Variants in CSMD2 observed in about 807,000 individuals in gnomAD.
The protein encoded by CSMD2 is CUB and sushi domain-containing protein 2.
CSMD2 carries 130 observed loss-of-function variants against 398.5 expected under a neutral mutation model. The ratio of observed to expected loss-of-function variants is 0.33; its 90% CI spans 0.28 to 0.38. CSMD2 has a LOEUF of 0.38. CSMD2 is among the 10% of genes least tolerant of loss of function. The probability of loss-of-function intolerance (pLI) is 1.00; values close to 1 mark genes in which losing one functional copy is unlikely to be tolerated. For synonymous variants in CSMD2, 1,828 were observed against 1,908.5 expected, an observed-to-expected ratio of 0.96 and a Z score of 1.10; for missense variants, 3,829 against 4,764.9, an observed-to-expected ratio of 0.80 and a Z score of 5.78.
intron 2 of CSMD2, among the ~76,000 whole-genome samples, chr1:34,046,687 G>T (rs1020024346): frequency 1.3e-5 from 2 of 152,112 alleles, no homozygotes; most frequent in Non-Finnish European, 2.9e-5. Flanking sequence ...AGAGATTAAG[G>T]CTGGCTTATT....
At chr1:34,071,265 G>A (rs1158796735) in intron 2 of CSMD2, among the ~76,000 whole-genome samples, 3 of 152,348 alleles carry the variant, frequency 2.0e-5, no homozygotes, top group East Asian at 1.9e-4. Flanking sequence ...GGGGCATCAC[G>A]TGGTCAGAAA....
At chr1:34,133,010 A>G (rs949445425) in intron 1 of CSMD2, among the ~76,000 whole-genome samples, 11 of 151,606 alleles carry the variant, frequency 7.3e-5, no homozygotes, top group Non-Finnish European at 1.5e-5. Flanking sequence ...ACCTTGACTA[A>G]TACAGCTTTC....
At chr1:33,935,408 T>C (rs1644446825) in intron 4 of CSMD2, among the ~76,000 whole-genome samples, 1 of 152,076 alleles carries the variant, frequency 6.6e-6, no homozygotes, top group Non-Finnish European at 1.5e-5. Flanking sequence ...ACGAAAGCTG[T>C]TGGGAAAGTG....
intron 5 of CSMD2, among the ~76,000 whole-genome samples, chr1:33,896,115 A>G (rs746490500): frequency 1.3e-5 from 2 of 152,218 alleles, no homozygotes; most frequent in African/African-American, 2.4e-5. Flanking sequence ...ATGAGAGCAC[A>G]TATCAGGGGA....
At chr1:33,851,775 T>C (rs1044192942) in intron 5 of CSMD2, among the ~76,000 whole-genome samples, 2 of 152,212 alleles carry the variant, frequency 1.3e-5, no homozygotes, top group Non-Finnish European at 2.9e-5. Flanking sequence ...GGACTTGCTA[T>C]GTCAAGATAA....
chr1:33,577,551 G>T, intron 48 of CSMD2, 67 bp from the exon 49 acceptor site: 3 of 1,380,116 alleles, frequency 2.2e-6, no homozygotes, highest in Non-Finnish European at 2.9e-6. Flanking sequence ...TTTCATGCAG[G>T]CCCCTTTCCC....
intron 13 of CSMD2, among the ~76,000 whole-genome samples, chr1:33,766,570 C>T (rs1650529448): frequency 6.6e-6 from 1 of 152,238 alleles, no homozygotes; most frequent in African/African-American, 2.4e-5. Context: ...ATGAGAAGAG[C>T]TCCTTGAGGA....
At chr1:33,564,403 C>T (rs1270747153) in intron 53 of CSMD2, among the ~76,000 whole-genome samples, 3 of 152,192 alleles carry the variant, frequency 2.0e-5, no homozygotes, top group Non-Finnish European at 4.4e-5. Context: ...TTAGGCCAGG[C>T]AGACATTCTC....
intron 25 of CSMD2, among the ~76,000 whole-genome samples, chr1:33,689,141 G>C (rs1645153337): frequency 6.6e-6 from 1 of 150,972 alleles, no homozygotes; most frequent in South Asian, 2.1e-4. Flanking sequence ...AGAGAAAGGG[G>C]GAGGACGGAG....
chr1:33,588,358 CT>C (rs79092881), intron 44 of CSMD2, among the ~76,000 whole-genome samples: 31,000 of 150,388 alleles, frequency 0.21, 4,166 homozygotes, highest in Non-Finnish European at 0.29. Context: ...GCAATGAAAT[CT>C]TTTTTTATAT....
intron 6 of CSMD2, among the ~76,000 whole-genome samples, chr1:33,832,497 A>G (rs1225722059): frequency 6.8e-6 from 1 of 147,518 alleles, no homozygotes; most frequent in Non-Finnish European, 1.5e-5. Context: ...ACACATTCAA[A>G]GCAGTGTGTA....
chr1:33,526,451 G>T (rs1300939100), intron 65 of CSMD2, among the ~76,000 whole-genome samples: 1 of 152,158 alleles, frequency 6.6e-6, no homozygotes, highest in Non-Finnish European at 1.5e-5. Flanking sequence ...GTTATTCTAG[G>T]GGTTAAATGA....
chr1:33,709,079 T>C lies in CSMD2; in HGVS notation c.3576+10A>G, dbSNP rs769797021. The C allele has an allele frequency of 3.7e-6, 6 of 1,605,976 alleles. No individual in the cohort carries two copies. In the African/African-American group the frequency reaches 6.7e-5, roughly 18 times the overall value. On this transcript the variant is annotated intron_variant, in intron 22 of 70. Coordinates refer to ENST00000373381, the MANE Select transcript of CSMD2 (RefSeq NM_001281956.2). Reference sequence around the variant, plus strand: ...TATAACACACATACTCTGAAATCGATCAATTTTACCTTGAGGACATCTCCT... The same window carrying C: ...TATAACACACATACTCTGAAATCGACCAATTTTACCTTGAGGACATCTCCT...
At chr1:33,932,166 G>A (rs1644333432) in intron 4 of CSMD2, among the ~76,000 whole-genome samples, 1 of 152,182 alleles carries the variant, frequency 6.6e-6, no homozygotes, top group African/African-American at 2.4e-5. Flanking sequence ...AGCAGGAAGA[G>A]TGAGGTTTTC....
At chr1:34,148,179 C>T (rs777917774) in intron 1 of CSMD2, among the ~76,000 whole-genome samples, 15 of 152,154 alleles carry the variant, frequency 9.9e-5, no homozygotes, top group Non-Finnish European at 1.6e-4. Context: ...CTGGACTAAT[C>T]GGCTCATTCT....
At chr1:33,775,540 CA>C (rs977809517) in intron 12 of CSMD2, among the ~76,000 whole-genome samples, 17 of 152,154 alleles carry the variant, frequency 1.1e-4, no homozygotes, top group African/African-American at 3.4e-4. Context: ...GTTATTGTCA[CA>C]GCTAACTTTA....
chr1:33,841,137 A>G (rs1291939171), intron 6 of CSMD2, among the ~76,000 whole-genome samples: 2 of 152,230 alleles, frequency 1.3e-5, no homozygotes, highest in Non-Finnish European at 2.9e-5. Context: ...TCCATCTCTC[A>G]GTCAGCAGGG....
Position 33,586,529 on chromosome 1 carries a change from A to G in CSMD2, c.7026T>C (p.Phe2342=), listed in dbSNP as rs1187198259. The change falls in exon 46 of 71, where the codon TTT becomes TTC. Residue 2342 remains phenylalanine, a synonymous_variant. Coordinates refer to ENST00000373381, the MANE Select transcript of CSMD2 (RefSeq NM_001281956.2). ...CTTCACATATCGGGGGTGGTCCTTC[A>G]AACTGCAGGTAGGTTCCAAGTTTGC... ...LTCKLGTYLQ[F]EGPPPICEVH... 1.9e-6 allele frequency: 3 copies of G among 1,613,522 alleles called. No homozygotes were observed.
intron 1 of CSMD2, among the ~76,000 whole-genome samples, chr1:34,133,302 A>T (rs2148503966): frequency 6.6e-6 from 1 of 152,294 alleles, no homozygotes; most frequent in Non-Finnish European, 1.5e-5. Context: ...ATAATAGAAA[A>T]GCAAGCCTTG....
Sources: allele counts gnomAD v4.1 joint callset (sites outside exome capture counted in the v4.1 genomes callset), GRCh38; gene constraint gnomAD v4.1.1; transcripts MANE v1.5; gene names NCBI Gene and HGNC (gene_info 2026-07-23, HGNC 2026-07-21).